The following NAV3 variants were observed in gnomAD, a reference collection of about 807,000 sequenced individuals.
NAV3 encodes the protein neuron navigator 3, also known as pore membrane and/or filament interacting like protein 1.
A neutral mutation model predicts 244.7 loss-of-function variants in NAV3; 87 were observed. The observed-to-expected ratio is 0.36, with a 90% CI of 0.30 to 0.42. The LOEUF (loss-of-function observed/expected upper bound fraction) is 0.42, where lower values mean the gene tolerates loss of function less well. Among genes scored for constraint, NAV3 ranks in the 20% least tolerant of loss-of-function variants. The pLI, the probability that NAV3 is intolerant of heterozygous loss-of-function variation, is 1.00. For missense variants in NAV3, 2,663 were observed against 2,893.3 expected (o/e 0.92, Z 1.83); for synonymous variants, 1,126 against 1,042.2 (o/e 1.08, Z -1.55).
At chr12:77,612,569 T>TA (rs1870963349) in intron 2 of NAV3, among the ~76,000 whole-genome samples, 1 of 152,108 alleles carries the variant, frequency 6.6e-6, no homozygotes, top group African/African-American at 2.4e-5. Flanking sequence ...GCTTAATGGG[T>TA]ATGTGCCTTT....
At chr12:77,690,427 G>A (rs1029826031) in intron 2 of NAV3, among the ~76,000 whole-genome samples, 3 of 151,806 alleles carry the variant, frequency 2.0e-5, no homozygotes, top group Non-Finnish European at 3.0e-5. Flanking sequence ...TAACAAAGTA[G>A]TTAAAGTCGT....
chr12:78,194,461 A>G lies in NAV3; in HGVS notation c.6292-2786A>G, dbSNP rs528700616. Among the ~76,000 whole-genome samples the G allele has an allele frequency of 5.3e-5, 8 of 152,188 alleles. No homozygotes were observed. The South Asian group carries it at 1.7e-3, about 32-fold the overall frequency. On this transcript the variant is annotated intron_variant, in intron 34 of 39. Coordinates refer to ENST00000397909, the MANE Select transcript of NAV3 (RefSeq NM_001024383.2). ...TAATTAAAATCTGATCAAATTTTTC[A>G]ATGTTTTCTTATAGATTTCTGTACT...
At chr12:77,675,824 T>G (rs1874179539) in intron 2 of NAV3, among the ~76,000 whole-genome samples, 2 of 152,170 alleles carry the variant, frequency 1.3e-5, no homozygotes, top group African/African-American at 4.8e-5. Context: ...CCTGTGCTGG[T>G]CCTTGTGTGT....
At chr12:77,949,647 T>C (rs1237537728) in intron 3 of NAV3, among the ~76,000 whole-genome samples, 3 of 151,990 alleles carry the variant, frequency 2.0e-5, no homozygotes, top group Non-Finnish European at 4.4e-5. Flanking sequence ...AATATCATCA[T>C]CACCCAACAG....
chr12:78,159,360 G>A lies in NAV3; in HGVS notation c.4869+74G>A, dbSNP rs891536982. On this transcript the variant is annotated intron_variant, in intron 23 of 39. Coordinates refer to ENST00000397909, the MANE Select transcript of NAV3 (RefSeq NM_001024383.2). ...ATAGGATTCTTAAATAATACCTGAAGCTCCTTAAAAATAATATTCCAGGCT... is the reference window on the plus strand; with the variant it reads ...ATAGGATTCTTAAATAATACCTGAAACTCCTTAAAAATAATATTCCAGGCT... 1.1e-5 allele frequency: 14 copies of A among 1,311,396 alleles called. No homozygotes were observed. The Admixed American group carries it at 1.8e-4, about 17-fold the overall frequency. 81.2% of individuals were successfully genotyped at this position (1,311,396 alleles called of 1,614,324 possible).
chr12:77,646,415 C>T (rs770873050), intron 2 of NAV3, among the ~76,000 whole-genome samples: 2 of 152,122 alleles, frequency 1.3e-5, no homozygotes, highest in African/African-American at 2.4e-5. Flanking sequence ...CTTTGTGTGA[C>T]TGTGACCCAA....
At chr12:78,188,423 A>G in intron 32 of NAV3, 80 bp downstream of exon 32, 2 of 1,284,782 alleles carry the variant, frequency 1.6e-6, no homozygotes, top group South Asian at 2.7e-5. Context: ...AATAGCAGAG[A>G]CACATCTTCT....
chr12:77,715,083 A>G (rs569545641), intron 2 of NAV3, among the ~76,000 whole-genome samples: 7 of 152,158 alleles, frequency 4.6e-5, no homozygotes, highest in African/African-American at 1.7e-4. Context: ...TTGTAAAAGC[A>G]AGAACTATAA....
chr12:77,613,140 G>A (rs1870993446), intron 2 of NAV3, among the ~76,000 whole-genome samples: 1 of 152,140 alleles, frequency 6.6e-6, no homozygotes, highest in Non-Finnish European at 1.5e-5. Context: ...AAAATAGTCT[G>A]CCTTAGCAGC....
chr12:78,082,693 A>T (rs1953420688), intron 12 of NAV3, among the ~76,000 whole-genome samples: 1 of 152,148 alleles, frequency 6.6e-6, no homozygotes, highest in Non-Finnish European at 1.5e-5. Context: ...AACCCTACAA[A>T]CTTATAACCC....
chr12:77,981,518 G>A (rs1450253956), intron 5 of NAV3, among the ~76,000 whole-genome samples: 1 of 151,964 alleles, frequency 6.6e-6, no homozygotes, highest in African/African-American at 2.4e-5. Context: ...CTTAGTGAAT[G>A]TATTTAACTG....
rs1013564073 is a variant in NAV3, at chr12:78,190,050, G to T, written c.6122G>T (p.Arg2041Met). The stretch of plus-strand genomic sequence containing the variant: ...CTGATTCCTAAACCAATTACCCAAA[G>T]GTACTTTAACTTGTTGATGGAGCAT... ...DTLIPKPITQRYFNLLMEHHR... is the reference protein window; with the variant it reads ...DTLIPKPITQMYFNLLMEHHR... The change falls in exon 34 of 40, where the codon AGG becomes ATG. Residue 2041 changes from arginine (R) to methionine (M), a missense_variant. This residue lies in a region of NAV3 where 543 missense variants were observed against 672.4 expected (regional missense o/e 0.81). Transcript: ENST00000397909. 1 of 1,612,928 alleles carries T rather than the reference G, an allele frequency of 6.2e-7. No individual in the cohort carries two copies. The highest frequency in any genetic ancestry group is 8.5e-7 in the Non-Finnish European group (1 of 1,179,432).
rs145579216 is a variant in NAV3, at chr12:77,618,705, C to A, written c.72+46439C>A. ...AAATGGTAGTAATCCTTGAATATTA[C>A]TTTTATGTCAGTATTTTATAGAATG... On this transcript the variant is annotated intron_variant, in intron 2 of 8. Coordinates refer to the NAV3 transcript ENST00000550042. 2.6e-5 allele frequency among the ~76,000 whole-genome samples: 4 copies of A among 152,042 alleles called. No individual in the cohort carries two copies. In the East Asian group the frequency reaches 5.8e-4, roughly 22 times the overall value.
chr12:77,810,859 G>C (rs977676771), intron 2 of NAV3, among the ~76,000 whole-genome samples: 1 of 151,976 alleles, frequency 6.6e-6, no homozygotes, highest in East Asian at 1.9e-4. Context: ...TTTCCTTTTT[G>C]TCAAATCAGT....
At chr12:77,723,755 CTTTTTTTT>C (rs34518266) in intron 2 of NAV3, among the ~76,000 whole-genome samples, 5 of 67,648 alleles carry the variant, frequency 7.4e-5, no homozygotes, top group Non-Finnish European at 1.0e-4. Context: ...GCAATCTTGA[CTTTTTTTT>C]TTTTTTTTTT....
intron 22 of NAV3, among the ~76,000 whole-genome samples, chr12:78,152,629 T>G (rs1462783106): frequency 5.9e-5 from 9 of 151,988 alleles, no homozygotes; most frequent in Non-Finnish European, 1.2e-4. Context: ...GTGCTGTGTT[T>G]AAATTTCATT....
chr12:78,050,768 C>A lies in NAV3; in HGVS notation c.2137C>A (p.Leu713Met), dbSNP rs371271292. The part of the protein sequence containing the change: ...LRGTQISHST[L>M]ETTFDSTVTT... Reference sequence around the variant, plus strand: ...TTTCTCCATTTTATTTGACAGCACCCTGGAGACAACATTTGACAGCACTGT... The same window carrying A: ...TTTCTCCATTTTATTTGACAGCACCATGGAGACAACATTTGACAGCACTGT... The change falls in exon 11 of 40, where the codon CTG (leucine) becomes ATG (methionine). Residue 713 changes from leucine (L) to methionine (M), a missense_variant. By Grantham distance (15) the Leu-to-Met change is conservative. Around this residue, in one of 6 missense-constraint regions of NAV3, gnomAD observed 1,521 missense variants for 1,497.0 expected, o/e 1.02. Coordinates refer to ENST00000397909, the MANE Select transcript of NAV3 (RefSeq NM_001024383.2). 2 of 1,592,470 alleles carry A rather than the reference C, an allele frequency of 1.3e-6. No individual in the cohort carries two copies. Among genetic ancestry groups the A allele is most frequent in the Non-Finnish European group, 1.7e-6 (2 of 1,165,130 alleles).
intron 1 of NAV3, among the ~76,000 whole-genome samples, chr12:77,884,662 A>G (rs956669518): frequency 1.3e-5 from 2 of 152,142 alleles, no homozygotes; most frequent in African/African-American, 4.8e-5. Flanking sequence ...ATGTCCACTT[A>G]CATTGATGGC....
At chr12:77,775,921 C>G (rs1555203919) in intron 2 of NAV3, 1 of 152,178 alleles carries the variant, frequency 6.6e-6, no homozygotes, top group Non-Finnish European at 1.5e-5. Flanking sequence ...TTGGCATGAG[C>G]CTTTGCAGTA....
Sources: gnomAD v4.1 joint callset for allele counts (sites outside exome capture counted in the v4.1 genomes callset) on GRCh38, gnomAD v4.1.1 for gene constraint, gnomAD v4.1.1 regional missense constraint, MANE v1.5 for transcripts, NCBI Gene and HGNC (gene_info 2026-07-23, HGNC 2026-07-21) for gene names.